The following USP45 variants were observed in gnomAD, a reference collection of about 807,000 sequenced individuals.
USP45 encodes the protein ubiquitin carboxyl-terminal hydrolase 45.
USP45 carries 89 observed loss-of-function variants against 95.8 expected under a neutral mutation model. The observed-to-expected ratio is 0.93, with a 90% CI of 0.78 to 1.11. USP45 has a LOEUF of 1.11. Ranked by LOEUF, USP45 falls within the 50% of genes least tolerant of loss-of-function variation. USP45 has a pLI of 0.00. For missense variants in USP45, 898 were observed against 942.5 expected (o/e 0.95, Z 0.62); for synonymous variants, 281 against 316.2 (o/e 0.89, Z 1.18).
intron 5 of USP45, among the ~76,000 whole-genome samples, chr6:99,493,949 C>T (rs981570960): frequency 2.0e-5 from 3 of 152,068 alleles, no homozygotes; most frequent in Non-Finnish European, 4.4e-5. Context: ...AAACACAGAA[C>T]CAAATACAAT....
At chr6:99,491,286 GA>G (rs1795111704) in intron 5 of USP45, among the ~76,000 whole-genome samples, 1 of 152,110 alleles carries the variant, frequency 6.6e-6, no homozygotes, top group Admixed American at 6.6e-5. Flanking sequence ...AAAAGCAAAT[GA>G]AAAAAGCCAG....
intron 13 of USP45, among the ~76,000 whole-genome samples, chr6:99,452,677 G>A (rs1784149168): frequency 1.3e-5 from 2 of 152,156 alleles, no homozygotes; most frequent in Non-Finnish European, 1.5e-5. Flanking sequence ...CCATTACTGG[G>A]TATATACCCA....
chr6:99,461,127 A>G, intron 13 of USP45: 1 of 984,680 alleles, frequency 1.0e-6, no homozygotes. Flanking sequence ...TCTTTCATAA[A>G]ACTAATATAC....
At chr6:99,484,510 T>G (rs984859226) in intron 7 of USP45, among the ~76,000 whole-genome samples, 2 of 152,042 alleles carry the variant, frequency 1.3e-5, no homozygotes, top group Non-Finnish European at 2.9e-5. Context: ...TCAAAAGTGC[T>G]TTTCTGGGCT....
chr6:99,508,173 T>C (rs549835460), intron 3 of USP45, among the ~76,000 whole-genome samples: 1 of 139,342 alleles, frequency 7.2e-6, no homozygotes, highest in East Asian at 2.2e-4. Flanking sequence ...CTTATTTTTT[T>C]AAAAAAGTAT....
chr6:99,494,491 CA>C (rs2128751051), intron 5 of USP45, among the ~76,000 whole-genome samples: 1 of 152,104 alleles, frequency 6.6e-6, no homozygotes, highest in South Asian at 2.1e-4. Context: ...ACATAAACAA[CA>C]AAACAACTTG....
chr6:99,482,592 T>C (rs939018188), intron 8 of USP45, 161 bp downstream of exon 8: 10 of 586,246 alleles, frequency 1.7e-5, no homozygotes, highest in Non-Finnish European at 2.7e-5. Flanking sequence ...AGGACTGAGA[T>C]ATAATTTTCA....
chr6:99,442,109 G>A (rs1316455817), intron 15 of USP45, among the ~76,000 whole-genome samples: 2 of 152,190 alleles, frequency 1.3e-5, no homozygotes, highest in Admixed American at 1.3e-4. Flanking sequence ...GGACCTAGAT[G>A]GATGTCCATA....
At chr6:99,444,213 C>T (rs190480101) in intron 14 of USP45, among the ~76,000 whole-genome samples, 34 of 152,214 alleles carry the variant, frequency 2.2e-4, no homozygotes, top group African/African-American at 7.2e-4. Context: ...TGGGATCTCA[C>T]TATGTTCCTC....
At chr6:99,460,581 T>C (rs1786190175) in intron 13 of USP45, among the ~76,000 whole-genome samples, 1 of 152,158 alleles carries the variant, frequency 6.6e-6, no homozygotes, top group Non-Finnish European at 1.5e-5. Context: ...CTAGGAAAAA[T>C]GGTAAAATCA....
At chr6:99,455,914 C>T (rs908121045) in intron 13 of USP45, among the ~76,000 whole-genome samples, 2 of 145,504 alleles carry the variant, frequency 1.4e-5, no homozygotes, top group African/African-American at 5.0e-5. Flanking sequence ...GCGGGTGGAT[C>T]ATGAGGTCAG....
intron 2 of USP45, 118 bp downstream of exon 2, chr6:99,510,003 G>T: frequency 2.7e-6 from 2 of 751,444 alleles, no homozygotes; most frequent in East Asian, 2.5e-5. Flanking sequence ...ATCTAGGTTT[G>T]GTGGAAAAAA....
chr6:99,463,627 C>T (rs1787078076), intron 13 of USP45, among the ~76,000 whole-genome samples: 1 of 151,834 alleles, frequency 6.6e-6, no homozygotes, highest in Admixed American at 6.6e-5. Flanking sequence ...GCCTGACCAA[C>T]ATGGTGAAAC....
intron 4 of USP45, 46 bp downstream of exon 4, chr6:99,507,382 G>A: frequency 8.6e-7 from 1 of 1,159,128 alleles, no homozygotes; most frequent in South Asian, 1.5e-5. Flanking sequence ...AAAAAAATTG[G>A]GGGGCTGTGG....
At position 99,465,146 on chromosome 6, in the gene USP45, A is replaced by C; in HGVS notation, c.1108-10T>G. On this transcript the variant is annotated splice_polypyrimidine_tract_variant and intron_variant, in intron 11 of 17. Transcript: ENST00000500704. ...CTTTCACCGTGGAGATCTTAAAAGGAAAACACATTGAAAACTTCAGTTAGA... is the reference window on the plus strand; with the variant it reads ...CTTTCACCGTGGAGATCTTAAAAGGCAAACACATTGAAAACTTCAGTTAGA... 1.3e-6 allele frequency: 2 copies of C among 1,581,800 alleles called. No homozygotes were observed. Among genetic ancestry groups the C allele is most frequent in the Non-Finnish European group, 1.7e-6 (2 of 1,161,146 alleles).
chr6:99,461,699 C>T (rs1320670501), intron 13 of USP45: 4 of 985,040 alleles, frequency 4.1e-6, no homozygotes, highest in Non-Finnish European at 4.8e-6. Flanking sequence ...ATTTGGCAAA[C>T]AGAAAAGGTA....
chr6:99,445,828 TTTG>T lies in USP45; in HGVS notation c.1941_1943del (p.Asn647del). 1 of 1,585,086 alleles carries T rather than the reference TTTG, an allele frequency of 6.3e-7. No homozygotes were observed. Among genetic ancestry groups the T allele is most frequent in the South Asian group, 1.2e-5 (1 of 85,360 alleles). On this transcript the variant is annotated inframe_deletion, in exon 14 of 18. Coordinates refer to ENST00000500704, the MANE Select transcript of USP45 (RefSeq NM_001346022.3). Reference sequence around the variant, plus strand: ...AACTGGTTTCTTCTTGGTACTTCTGTTTGTTTTTAGTACAATTCTCACATAGAA... The same window carrying T: ...AACTGGTTTCTTCTTGGTACTTCTGTTTTTTAGTACAATTCTCACATAGAA...
chr6:99,467,558 A>C (rs1205214581), intron 10 of USP45, among the ~76,000 whole-genome samples: 1 of 151,996 alleles, frequency 6.6e-6, no homozygotes, highest in East Asian at 1.9e-4. Flanking sequence ...AAACATGTGA[A>C]TATATCAGTA....
chr6:99,497,594 A>G (rs1429630045), intron 5 of USP45, among the ~76,000 whole-genome samples: 1 of 152,196 alleles, frequency 6.6e-6, no homozygotes, highest in Non-Finnish European at 1.5e-5. Context: ...CATATGATAA[A>G]TTGATATTAA....
Sources: gnomAD v4.1 joint callset for allele counts (sites outside exome capture counted in the v4.1 genomes callset) on GRCh38, gnomAD v4.1.1 for gene constraint, MANE v1.5 for transcripts, NCBI Gene and HGNC (gene_info 2026-07-23, HGNC 2026-07-21) for gene names.